Variants in CACNA2D3 observed in about 807,000 individuals in gnomAD.
CACNA2D3 encodes the protein voltage-dependent calcium channel subunit alpha-2/delta-3.
In CACNA2D3, 60 loss-of-function variants were observed where a neutral mutation model predicts 160.6. The ratio of observed to expected loss-of-function variants is 0.37; its 90% confidence interval spans 0.30 to 0.46. The LOEUF is 0.46. Ranked by LOEUF, CACNA2D3 falls within the 20% of genes least tolerant of loss-of-function variation. The probability of loss-of-function intolerance (pLI) is 1.00; values close to 1 mark genes in which losing one functional copy is unlikely to be tolerated. For missense variants in CACNA2D3, 1,205 were observed against 1,365.0 expected, an observed-to-expected ratio of 0.88 and a Z score of 1.85; for synonymous variants, 558 against 492.9, an observed-to-expected ratio of 1.13 and a Z score of -1.75.
At chr3:55,004,697 A>G in intron 31 of CACNA2D3, 66 bp from the exon 32 acceptor site, 1 of 1,032,704 alleles carries the variant, frequency 9.7e-7, no homozygotes, top group East Asian at 2.4e-5. Context: ...ACCTTGTAGT[A>G]CATAGCATCA....
At chr3:54,744,425 T>G (rs1029267295) in intron 11 of CACNA2D3, among the ~76,000 whole-genome samples, 6 of 152,222 alleles carry the variant, frequency 3.9e-5, no homozygotes, top group Non-Finnish European at 8.8e-5. Context: ...TATCTGAAAT[T>G]GTGAGTGTAT....
chr3:54,436,931 T>C (rs573280471), intron 4 of CACNA2D3, among the ~76,000 whole-genome samples: 1 of 152,260 alleles, frequency 6.6e-6, no homozygotes, highest in South Asian at 2.1e-4. Flanking sequence ...AAGACAATTA[T>C]ACTTAAAGAG....
chr3:54,938,614 T>A (rs112185804), intron 27 of CACNA2D3, among the ~76,000 whole-genome samples: 1 of 151,606 alleles, frequency 6.6e-6, no homozygotes, highest in Admixed American at 6.6e-5. Context: ...CAAGCCCCCT[T>A]AGTTACCCCC....
At chr3:54,547,506 C>T (rs1265902812) in intron 5 of CACNA2D3, among the ~76,000 whole-genome samples, 14 of 152,028 alleles carry the variant, frequency 9.2e-5, no homozygotes, top group Admixed American at 2.0e-4. Context: ...ATTTCTGACT[C>T]CTGCTTACAC....
chr3:54,841,018 G>T (rs1331836105), intron 16 of CACNA2D3, among the ~76,000 whole-genome samples: 1 of 151,804 alleles, frequency 6.6e-6, no homozygotes, highest in African/African-American at 2.4e-5. Flanking sequence ...CACCGTGCCG[G>T]GCCCCAAGAG....
chr3:54,471,358 A>G (rs1271752283), intron 4 of CACNA2D3, among the ~76,000 whole-genome samples: 2 of 152,214 alleles, frequency 1.3e-5, no homozygotes, highest in Non-Finnish European at 2.9e-5. Flanking sequence ...ACCAATAAGA[A>G]CAAAGACACA....
intron 5 of CACNA2D3, among the ~76,000 whole-genome samples, chr3:54,525,104 A>G (rs1701705106): frequency 6.6e-6 from 1 of 152,098 alleles, no homozygotes; most frequent in African/African-American, 2.4e-5. Flanking sequence ...ATAATGGCAT[A>G]TATGTTTTAG....
chr3:54,227,482 G>T (rs75074147), intron 2 of CACNA2D3, among the ~76,000 whole-genome samples: 8,137 of 151,596 alleles, frequency 0.054, 689 homozygotes, highest in African/African-American at 0.18. Context: ...GTATTCCTCG[G>T]GAGAGTGAAG....
chr3:55,070,590 T>C (rs929871244), intron 35 of CACNA2D3, among the ~76,000 whole-genome samples: 1 of 152,150 alleles, frequency 6.6e-6, no homozygotes, highest in African/African-American at 2.4e-5. Flanking sequence ...AGAGGGACAT[T>C]AATACTCAAT....
intron 5 of CACNA2D3, among the ~76,000 whole-genome samples, chr3:54,530,689 C>T (rs1037004009): frequency 5.3e-5 from 8 of 152,190 alleles, no homozygotes; most frequent in Non-Finnish European, 1.2e-4. Context: ...AGCTCTGTTC[C>T]ATCCCCCTCA....
At position 55,074,439 on chromosome 3, in the gene CACNA2D3, ATAATCACCCT is replaced by A; in HGVS notation, c.*235_*244del. ...CATGCAAATGTGAGTTTGCCACATG[ATAATCACCCT>A]TCATCAGAAATGGGACCGCAAGTGG... On this transcript the variant is annotated 3_prime_UTR_variant, in exon 38 of 38. Transcript: ENST00000474759. The A allele has an allele frequency of 1.9e-6, 1 of 533,740 alleles. No individual in the cohort carries two copies. Among genetic ancestry groups the A allele is most frequent in the Non-Finnish European group, 3.4e-6 (1 of 298,266 alleles). 33.1% of individuals were successfully genotyped at this position (533,740 alleles called of 1,614,324 possible).
chr3:54,279,835 A>G (rs942962239), intron 2 of CACNA2D3, among the ~76,000 whole-genome samples: 5 of 152,122 alleles, frequency 3.3e-5, no homozygotes, highest in African/African-American at 1.2e-4. Flanking sequence ...TGGTTGGTAG[A>G]CTGTGATCAG....
At chr3:54,688,982 A>AG in intron 11 of CACNA2D3, among the ~76,000 whole-genome samples, 1 of 43,640 alleles carries the variant, frequency 2.3e-5, no homozygotes, top group Non-Finnish European at 4.9e-5. Context: ...ACTGTCTCAA[A>AG]AAAAAAAAAA....
rs1575435215 is a variant in CACNA2D3 at position 54,711,627 on chromosome 3, A to C, written c.1168-40972A>C. Among the ~76,000 whole-genome samples, 3 of 152,248 alleles carry C rather than the reference A, an allele frequency of 2.0e-5. No homozygotes were observed. The South Asian group carries it at 6.2e-4, about 31-fold the overall frequency. Reference sequence around the variant, plus strand: ...TGGCAAAACAGATGGGATTACCATGATTAACATAGACCAATCGTGATTCCA... The same window carrying C: ...TGGCAAAACAGATGGGATTACCATGCTTAACATAGACCAATCGTGATTCCA... On this transcript the variant is annotated intron_variant, in intron 11 of 37. Coordinates refer to ENST00000474759, the MANE Select transcript of CACNA2D3 (RefSeq NM_018398.3).
At chr3:54,897,572 T>A (rs1341267703) in intron 26 of CACNA2D3, among the ~76,000 whole-genome samples, 1 of 152,150 alleles carries the variant, frequency 6.6e-6, no homozygotes, top group Admixed American at 6.5e-5. Flanking sequence ...TTGCAGAAAC[T>A]TGAGAGATGA....
At chr3:54,678,842 A>G (rs562582079) in intron 11 of CACNA2D3, among the ~76,000 whole-genome samples, 13 of 152,182 alleles carry the variant, frequency 8.5e-5, no homozygotes, top group African/African-American at 3.1e-4. Flanking sequence ...ATAATGAATT[A>G]AAGACAAAAA....
chr3:54,253,339 G>C (rs1313662729), intron 2 of CACNA2D3, among the ~76,000 whole-genome samples: 1 of 152,122 alleles, frequency 6.6e-6, no homozygotes, highest in Non-Finnish European at 1.5e-5. Flanking sequence ...AAGCACAGCG[G>C]ATTCTGCTTG....
chr3:54,932,924 T>C (rs1326149575), intron 27 of CACNA2D3, among the ~76,000 whole-genome samples: 1 of 152,174 alleles, frequency 6.6e-6, no homozygotes, highest in African/African-American at 2.4e-5. Context: ...AAGTTTGACA[T>C]TGGAGGCATG....
intron 11 of CACNA2D3, among the ~76,000 whole-genome samples, chr3:54,653,185 A>G (rs1489764567): frequency 2.0e-5 from 3 of 152,206 alleles, no homozygotes; most frequent in Non-Finnish European, 4.4e-5. Flanking sequence ...CTTGGGCTGC[A>G]TGTACCGATG....
Sources: gnomAD v4.1 joint callset for allele counts (sites outside exome capture counted in the v4.1 genomes callset) on GRCh38, gnomAD v4.1.1 for gene constraint, MANE v1.5 for transcripts, NCBI Gene and HGNC (gene_info 2026-07-23, HGNC 2026-07-21) for gene names.